TTLL11: variants seen among roughly 807,000 people sequenced by gnomAD.
TTLL11 encodes the protein tubulin polyglutamylase TTLL11.
TTLL11 carries 42 observed loss-of-function variants against 51.7 expected under a neutral mutation model. The ratio of observed to expected loss-of-function variants is 0.81; its 90% CI spans 0.64 to 1.05. The LOEUF is 1.05. Among genes scored for constraint, TTLL11 ranks in the 50% least tolerant of loss-of-function variants. The pLI is 0.00. For missense variants in TTLL11, 799 were observed against 940.4 expected (o/e 0.85, Z 1.97); for synonymous variants, 381 against 383.5 (o/e 0.99, Z 0.08).
chr9:122,092,834 G>C lies in TTLL11; in HGVS notation c.315C>G (p.Pro105=), dbSNP rs770080046. The C allele has an allele frequency of 1.3e-6, 2 of 1,560,734 alleles. No individual in the cohort carries two copies. Among genetic ancestry groups the C allele is most frequent in the East Asian group, 2.4e-5 (1 of 42,202 alleles). Residue 105 remains proline, a synonymous_variant, in exon 1 of 9, where the codon CCC becomes CCG. Coordinates refer to ENST00000321582, the MANE Select transcript of TTLL11 (RefSeq NM_001139442.2). ...PVQGLCPHGK[P]RDKGRSCKRS... is the part of the protein sequence containing the mutation. ...GCTTGCAGCTTCGGCCCTTGTCCCG[G>C]GGCTTCCCGTGCGGGCAGAGGCCCT...
At chr9:122,026,380 G>C (rs78285400) in intron 3 of TTLL11, among the ~76,000 whole-genome samples, 1 of 150,610 alleles carries the variant, frequency 6.6e-6, no homozygotes, top group South Asian at 2.1e-4. Context: ...GGAGGTTGTA[G>C]TGAGCCAAGA....
intron 8 of TTLL11, among the ~76,000 whole-genome samples, chr9:121,842,467 C>T (rs370126401): frequency 2.0e-5 from 3 of 151,868 alleles, no homozygotes; most frequent in South Asian, 2.1e-4. Context: ...GTCAGGGTCT[C>T]GCTATGTTTC....
At chr9:121,976,200 A>G (rs955702000) in intron 4 of TTLL11, among the ~76,000 whole-genome samples, 17 of 152,216 alleles carry the variant, frequency 1.1e-4, no homozygotes, top group Non-Finnish European at 1.9e-4. Context: ...GTTCTCCAAC[A>G]CCGTCTGCTT....
In TTLL11 at chr9:121,820,738, T is replaced by C. The variant is rs1036030624; in HGVS notation, c.*1849A>G. The stretch of plus-strand genomic sequence containing the variant: ...GATGACACCTCCACAGTGCCCCATG[T>C]AGAGAACACTCGACACACCTCAGGA... On this transcript the variant is annotated 3_prime_UTR_variant, in exon 9 of 9. Transcript: ENST00000321582. 7.9e-5 allele frequency among the ~76,000 whole-genome samples: 12 copies of C among 151,760 alleles called. No homozygotes were observed. Among genetic ancestry groups the C allele is most frequent in the African/African-American group, 2.4e-4 (10 of 41,282 alleles).
At chr9:121,910,189 G>A (rs1199084120) in intron 6 of TTLL11, among the ~76,000 whole-genome samples, 4 of 152,234 alleles carry the variant, frequency 2.6e-5, no homozygotes, top group African/African-American at 9.6e-5. Context: ...CAAGGGAGAA[G>A]AGCAGCAATA....
intron 6 of TTLL11, among the ~76,000 whole-genome samples, chr9:121,879,738 G>C (rs1838706420): frequency 6.7e-6 from 1 of 149,276 alleles, no homozygotes; most frequent in Non-Finnish European, 1.5e-5. Context: ...AGGCTGAGGT[G>C]GGAGAACTGC....
intron 4 of TTLL11, among the ~76,000 whole-genome samples, chr9:121,978,323 G>T (rs562445662): frequency 6.6e-6 from 1 of 152,258 alleles, no homozygotes; most frequent in Non-Finnish European, 1.5e-5. Flanking sequence ...AGAAAATCAG[G>T]TATTTACTTG....
intron 6 of TTLL11, among the ~76,000 whole-genome samples, chr9:121,911,599 T>C (rs1159393683): frequency 6.6e-6 from 1 of 151,986 alleles, no homozygotes; most frequent in African/African-American, 2.4e-5. Flanking sequence ...TGGAATACTA[T>C]GAAGCCATAA....
intron 8 of TTLL11, among the ~76,000 whole-genome samples, chr9:121,830,115 A>T (rs1432912976): frequency 6.6e-6 from 1 of 152,224 alleles, no homozygotes; most frequent in Non-Finnish European, 1.5e-5. Flanking sequence ...TGAACCTTGT[A>T]ACAGTCGTGT....
At chr9:121,915,818 G>A (rs1840300570) in intron 6 of TTLL11, among the ~76,000 whole-genome samples, 1 of 151,872 alleles carries the variant, frequency 6.6e-6, no homozygotes, top group African/African-American at 2.4e-5. Flanking sequence ...TATAAAGTCT[G>A]GACATCTGGA....
Position 122,006,762 on chromosome 9 carries a change from A to G in TTLL11, c.694-16992T>C, listed in dbSNP as rs141790853. 3.0e-3 allele frequency among the ~76,000 whole-genome samples: 457 copies of G among 152,212 alleles called. 5 individuals are homozygous for G. The highest frequency in any genetic ancestry group is 0.011 in the African/African-American group (442 of 41,540). Reference sequence around the variant, plus strand: ...CACTTTGGGAGGCCAAGGCGGGAAGATTACTTGAGGCCAGGAGGTTCAAGA... The same window carrying G: ...CACTTTGGGAGGCCAAGGCGGGAAGGTTACTTGAGGCCAGGAGGTTCAAGA... On this transcript the variant is annotated intron_variant, in intron 3 of 8. Transcript: ENST00000321582.
chr9:122,006,758 G>A lies in TTLL11; in HGVS notation c.694-16988C>T, dbSNP rs147923712. ...CCAGCACTTTGGGAGGCCAAGGCGG[G>A]AAGATTACTTGAGGCCAGGAGGTTC... On this transcript the variant is annotated intron_variant, in intron 3 of 8. Coordinates refer to ENST00000321582, the MANE Select transcript of TTLL11 (RefSeq NM_001139442.2). Among the ~76,000 whole-genome samples the A allele has an allele frequency of 3.0e-3, 457 of 152,236 alleles. 5 individuals are homozygous for A. The highest frequency in any genetic ancestry group is 0.011 in the African/African-American group (442 of 41,556).
At chr9:122,027,288 G>A (rs1844376276) in intron 3 of TTLL11, among the ~76,000 whole-genome samples, 1 of 152,034 alleles carries the variant, frequency 6.6e-6, no homozygotes, top group Non-Finnish European at 1.5e-5. Flanking sequence ...TCCAACACAG[G>A]GGAATTACAA....
chr9:121,873,243 G>A (rs1838421029), intron 6 of TTLL11, among the ~76,000 whole-genome samples: 1 of 152,170 alleles, frequency 6.6e-6, no homozygotes, highest in South Asian at 2.1e-4. Context: ...TTATGACTAT[G>A]CCCCTGTTCC....
chr9:121,991,445 G>A (rs1456168438), intron 3 of TTLL11, among the ~76,000 whole-genome samples: 1 of 152,172 alleles, frequency 6.6e-6, no homozygotes, highest in African/African-American at 2.4e-5. Flanking sequence ...TGACCTTGAC[G>A]TTTATGTAGT....
At chr9:121,855,918 C>T (rs1837803088) in intron 8 of TTLL11, among the ~76,000 whole-genome samples, 2 of 152,186 alleles carry the variant, frequency 1.3e-5, no homozygotes, top group South Asian at 2.1e-4. Context: ...CAGCAACCTT[C>T]CTCTGTTGCT....
intron 6 of TTLL11, among the ~76,000 whole-genome samples, chr9:121,891,939 A>G (rs1024867220): frequency 1.3e-5 from 2 of 148,314 alleles, no homozygotes; most frequent in African/African-American, 4.9e-5. Flanking sequence ...TGATGATAAT[A>G]TATATACACA....
intron 1 of TTLL11, among the ~76,000 whole-genome samples, chr9:122,056,481 A>G (rs1439936932): frequency 2.6e-5 from 4 of 152,202 alleles, no homozygotes; most frequent in Non-Finnish European, 5.9e-5. Context: ...TAACTGGTTT[A>G]TTTAACCCTC....
chr9:121,974,865 A>G lies in TTLL11; in HGVS notation c.1365+19T>C, dbSNP rs1842660894. ...CAGCTGTATGGCAACATAGTCAATG[A>G]GATGCTCAAAATACTTACTTCGTGC... On this transcript the variant is annotated intron_variant, in intron 5 of 8. Coordinates refer to ENST00000321582, the MANE Select transcript of TTLL11 (RefSeq NM_001139442.2). The G allele has an allele frequency of 6.6e-7, 1 of 1,517,838 alleles. No individual in the cohort carries two copies. The highest frequency in any genetic ancestry group is 8.9e-7 in the Non-Finnish European group (1 of 1,122,312). 94.0% of individuals were successfully genotyped at this position (1,517,838 alleles called of 1,614,324 possible).
Sources: gnomAD v4.1 joint callset for allele counts (sites outside exome capture counted in the v4.1 genomes callset) on GRCh38, gnomAD v4.1.1 for gene constraint, MANE v1.5 for transcripts, NCBI Gene and HGNC (gene_info 2026-07-23, HGNC 2026-07-21) for gene names.